The following ACTR3C variants were observed in gnomAD, a reference collection of about 807,000 sequenced individuals.
ACTR3C encodes the protein actin-related protein 3C.
Under a neutral mutation model 26.3 loss-of-function variants are expected in ACTR3C, and 18 were observed. The observed-to-expected ratio is 0.68, with a 90% confidence interval of 0.47 to 1.01. ACTR3C has a LOEUF of 1.01. Among genes scored for constraint, ACTR3C ranks in the 50% least tolerant of loss-of-function variants. ACTR3C has a pLI of 0.00. For synonymous variants in ACTR3C, 55 were observed against 94.5 expected (o/e 0.58, Z 2.42); for missense variants, 184 against 250.7 (o/e 0.73, Z 1.80).
chr7:150,162,856 C>T, the ACTR3C span, among the ~76,000 whole-genome samples: 1 of 152,004 alleles, frequency 6.6e-6, no homozygotes, highest in African/African-American at 2.4e-5. Context: ...AGCTAGACAT[C>T]AGAAGTACTA....
At chr7:150,185,274 GGCGTGTGTGTGTGTGTGTGTGT>G in the ACTR3C span, among the ~76,000 whole-genome samples, 1 of 124,268 alleles carries the variant, frequency 8.0e-6, no homozygotes, top group Admixed American at 8.6e-5. Context: ...TTAAATGTCA[GGCGTGTGTGTGTGTGTGTGTGT>G]GTGTGTGTGT....
the ACTR3C span, among the ~76,000 whole-genome samples, chr7:150,079,045 CACAGGGG>C: frequency 3.3e-5 from 5 of 152,184 alleles, no homozygotes; most frequent in Non-Finnish European, 5.9e-5. Context: ...TCCCCACATA[CACAGGGG>C]ATAACTGGCC....
At chr7:150,214,383 A>T in the ACTR3C span, among the ~76,000 whole-genome samples, 1 of 152,200 alleles carries the variant, frequency 6.6e-6, no homozygotes, top group Non-Finnish European at 1.5e-5. Flanking sequence ...AATAGAAATT[A>T]TGGAGAAAGA....
intron 1 of ACTR3C, among the ~76,000 whole-genome samples, chr7:150,301,600 T>A (rs1434866865): frequency 3.3e-5 from 5 of 152,054 alleles, no homozygotes; most frequent in African/African-American, 9.7e-5. Context: ...GCTGCAAATA[T>A]AACAACAAAA....
At chr7:149,997,022 CT>C in the ACTR3C span, among the ~76,000 whole-genome samples, 1 of 145,242 alleles carries the variant, frequency 6.9e-6, no homozygotes, top group South Asian at 2.3e-4. Context: ...GAGTCTCTTC[CT>C]TCACACCCTC....
chr7:150,111,178 G>T, the ACTR3C span, among the ~76,000 whole-genome samples: 8 of 133,292 alleles, frequency 6.0e-5, no homozygotes, highest in South Asian at 1.9e-3. Flanking sequence ...CTGCCTGTGG[G>T]CTCCAGGGAC....
At chr7:149,973,156 G>A in the ACTR3C span, among the ~76,000 whole-genome samples, 11 of 152,216 alleles carry the variant, frequency 7.2e-5, no homozygotes, top group Non-Finnish European at 1.5e-4. Context: ...TAAGCCCTGT[G>A]AGCAGGCGGC....
chr7:150,272,690 G>GT (rs201919346), intron 6 of ACTR3C, among the ~76,000 whole-genome samples: 2,491 of 113,948 alleles, frequency 0.022, 221 homozygotes, highest in African/African-American at 0.027. Flanking sequence ...TGTTTTTTTG[G>GT]TTTTTTTTTT....
the ACTR3C span, among the ~76,000 whole-genome samples, chr7:150,110,399 C>A: frequency 7.3e-6 from 1 of 136,376 alleles, no homozygotes; most frequent in South Asian, 2.3e-4. Flanking sequence ...ATGTGGGTGG[C>A]AGGGGCGGGA....
the ACTR3C span, among the ~76,000 whole-genome samples, chr7:149,956,772 G>T: frequency 6.6e-6 from 1 of 151,970 alleles, no homozygotes; most frequent in Admixed American, 6.6e-5. Context: ...ATGAAAGAGC[G>T]ATGTAGGGGC....
the ACTR3C span, among the ~76,000 whole-genome samples, chr7:150,020,701 A>G: frequency 1.3e-5 from 2 of 151,888 alleles, no homozygotes; most frequent in Non-Finnish European, 2.9e-5. Context: ...TTCATTTTCA[A>G]AATAAAACTA....
At chr7:150,315,205 A>G (rs1237987100) in intron 1 of ACTR3C, among the ~76,000 whole-genome samples, 1 of 151,436 alleles carries the variant, frequency 6.6e-6, no homozygotes, top group East Asian at 1.9e-4. Context: ...AAAAGGACAC[A>G]AAAAGCAATG....
chr7:150,048,330 C>T, the ACTR3C span, among the ~76,000 whole-genome samples: 12 of 152,128 alleles, frequency 7.9e-5, no homozygotes, highest in Admixed American at 7.9e-4. Context: ...CCCGGCCCCT[C>T]CGCCCCCTTC....
chr7:149,911,996 C>A, the ACTR3C span, among the ~76,000 whole-genome samples: 17 of 132,858 alleles, frequency 1.3e-4, no homozygotes, highest in South Asian at 4.7e-4. Context: ...GGTGACAGAG[C>A]GAGACCCTGT....
the ACTR3C span, among the ~76,000 whole-genome samples, chr7:150,158,394 C>T: frequency 6.6e-6 from 1 of 152,094 alleles, no homozygotes; most frequent in African/African-American, 2.4e-5. Flanking sequence ...GACATAACTG[C>T]ACTCCCATGC....
At chr7:149,977,553 C>T in the ACTR3C span, among the ~76,000 whole-genome samples, 4 of 152,160 alleles carry the variant, frequency 2.6e-5, no homozygotes, top group African/African-American at 7.2e-5. Context: ...ATTCTGCAGG[C>T]GGTGAGCATC....
the ACTR3C span, among the ~76,000 whole-genome samples, chr7:149,933,796 CT>C: frequency 6.6e-6 from 1 of 152,146 alleles, no homozygotes; most frequent in Non-Finnish European, 1.5e-5. Context: ...CCACTCAACA[CT>C]AGCAACGCAT....
At chr7:149,980,428 A>C in the ACTR3C span, among the ~76,000 whole-genome samples, 12 of 152,242 alleles carry the variant, frequency 7.9e-5, no homozygotes, top group Non-Finnish European at 1.5e-4. Context: ...GTAATCAAGG[A>C]CAGAACATAA....
At chr7:150,119,555 C>A in the ACTR3C span, among the ~76,000 whole-genome samples, 57 of 152,192 alleles carry the variant, frequency 3.7e-4, no homozygotes, top group African/African-American at 1.3e-3. Context: ...ATATATGCAC[C>A]CAATACAGGA....
Sources: allele counts gnomAD v4.1 joint callset (sites outside exome capture counted in the v4.1 genomes callset), GRCh38; gene constraint gnomAD v4.1.1; transcripts MANE v1.5; gene names NCBI Gene and HGNC (gene_info 2026-07-23, HGNC 2026-07-21).